ZDHHC8: variants seen among roughly 807,000 people sequenced by gnomAD.
ZDHHC8 encodes the protein palmitoyltransferase ZDHHC8.
Under a neutral mutation model 61.2 loss-of-function variants are expected in ZDHHC8, and 24 were observed. The observed-to-expected ratio is 0.39, with a 90% CI of 0.28 to 0.55. ZDHHC8 has a LOEUF of 0.55. Ranked by LOEUF, ZDHHC8 falls within the 20% of genes least tolerant of loss-of-function variation. The pLI, the probability that ZDHHC8 is intolerant of heterozygous loss-of-function variation, is 0.60. For synonymous variants in ZDHHC8, 523 were observed against 492.5 expected, an observed-to-expected ratio of 1.06 and a Z score of -0.82; for missense variants, 935 against 1,102.1, an observed-to-expected ratio of 0.85 and a Z score of 2.15.
Position 20,145,712 on chromosome 22 carries a change from G to T in ZDHHC8, c.*312G>T, listed in dbSNP as rs1371817101. 8 of 1,032,152 alleles carry T rather than the reference G, an allele frequency of 7.8e-6. No individual in the cohort carries two copies. Among genetic ancestry groups the T allele is most frequent in the Non-Finnish European group, 9.3e-6 (8 of 860,548 alleles). The allele number at this position is 1,032,152 out of a possible 1,614,324, so 63.9% of individuals were successfully genotyped here. On this transcript the variant is annotated 3_prime_UTR_variant, in exon 11 of 11. Coordinates refer to ENST00000334554, the MANE Select transcript of ZDHHC8 (RefSeq NM_013373.4). ...CTTTGGGGCACCCTCTCTCAGCCAG[G>T]CTTGGCCCACTGCCATCACCCAGCA...
rs146417481 is a variant in ZDHHC8, at chr22:20,145,456, A to AC, written c.*63dup. ...CACGGGGACCAGGACCCCACAGCGC[A>AC]CCCCCCCTCCCCACCAACTTCTCTG... On this transcript the variant is annotated 3_prime_UTR_variant, in exon 11 of 11. Coordinates refer to ENST00000334554, the MANE Select transcript of ZDHHC8 (RefSeq NM_013373.4). The AC allele has an allele frequency of 1.7e-5, 23 of 1,331,496 alleles. No homozygotes were observed. Among genetic ancestry groups the AC allele is most frequent in the African/African-American group, 6.3e-5 (4 of 63,820 alleles). 82.5% of individuals were successfully genotyped at this position (1,331,496 alleles called of 1,614,324 possible). A position where few individuals can be genotyped will look rare whatever the true frequency, so the allele number is the denominator to read the frequency against.
At chr22:20,137,499 C>G (rs970433490) in intron 1 of ZDHHC8, among the ~76,000 whole-genome samples, 7 of 152,384 alleles carry the variant, frequency 4.6e-5, no homozygotes, top group African/African-American at 1.7e-4. Flanking sequence ...CGCCGCATCC[C>G]TTCCCAGAGC....
chr22:20,136,233 G>A (rs572030235), intron 1 of ZDHHC8, among the ~76,000 whole-genome samples: 9 of 152,312 alleles, frequency 5.9e-5, no homozygotes, highest in East Asian at 1.9e-4. Flanking sequence ...CTGGCCCTCC[G>A]GCAGGCGAGC....
intron 5 of ZDHHC8, 92 bp downstream of exon 5, chr22:20,140,309 A>C: frequency 7.7e-7 from 1 of 1,303,456 alleles, no homozygotes; most frequent in Non-Finnish European, 1.1e-6. Context: ...CCCTTGCCTG[A>C]GGTAGCTTGT....
At chr22:20,138,590 T>C (rs1568992222) in intron 1 of ZDHHC8, among the ~76,000 whole-genome samples, 1 of 151,990 alleles carries the variant, frequency 6.6e-6, no homozygotes, top group African/African-American at 2.4e-5. Flanking sequence ...TGGGAAGTGG[T>C]GGGGGGTGTT....
Position 20,145,456 on chromosome 22 carries a change from AC to A in ZDHHC8, c.*63del, listed in dbSNP as rs146417481. The A allele has an allele frequency of 0.14, 182,393 of 1,331,108 alleles. 16,073 individuals carry two copies. Among genetic ancestry groups the A allele is most frequent in the East Asian group, 0.47 (15,186 of 32,250 alleles). The allele number at this position is 1,331,108 out of a possible 1,614,324, so 82.5% of individuals were successfully genotyped here. A position where few individuals can be genotyped will look rare whatever the true frequency, so the allele number is the denominator to read the frequency against. The stretch of plus-strand genomic sequence containing the variant: ...CACGGGGACCAGGACCCCACAGCGC[AC>A]CCCCCCTCCCCACCAACTTCTCTGC... On this transcript the variant is annotated 3_prime_UTR_variant, in exon 11 of 11. Transcript: ENST00000334554.
At chr22:20,132,465 TCTC>T (rs1568990024) in intron 1 of ZDHHC8, among the ~76,000 whole-genome samples, 1 of 152,100 alleles carries the variant, frequency 6.6e-6, no homozygotes, top group East Asian at 1.9e-4. Flanking sequence ...GCCTCTCGGG[TCTC>T]CTCCTGGCTG....
rs1313694392 is a variant in ZDHHC8 at position 20,143,565 on chromosome 22, C to A, written c.1935C>A (p.Ser645=). 1 of 1,598,064 alleles carries A rather than the reference C, an allele frequency of 6.3e-7. No homozygotes were observed. Among genetic ancestry groups the A allele is most frequent in the Non-Finnish European group, 8.5e-7 (1 of 1,176,224 alleles). ...GTGCACCGCGGACGTCGTCCTCCTC[C>A]CTGCAGGCTGATCAGGCCAGCAGCA... ...VSRAPRTSSS[S]LQADQASSNA... is the part of the protein sequence containing the mutation. The change falls in exon 10 of 11, where the codon TCC becomes TCA. Residue 645 remains serine, a synonymous_variant. Coordinates refer to ENST00000334554, the MANE Select transcript of ZDHHC8 (RefSeq NM_013373.4).
rs1262913417 is a variant in ZDHHC8 at position 20,139,615 on chromosome 22, G to A, written c.364G>A (p.Val122Ile). 10 of 1,612,986 alleles carry A rather than the reference G, an allele frequency of 6.2e-6. No individual in the cohort carries two copies. The highest frequency in any genetic ancestry group is 2.7e-5 in the African/African-American group (2 of 74,916). ...CCCGCCGCGCTGCTCCCACTGCAGC[G>A]TCTGTGACAACTGTGTAGAGGTGAC... ...YRPPRCSHCSVCDNCVEDFDH... is the reference protein window; with the variant it reads ...YRPPRCSHCSICDNCVEDFDH... Residue 122 changes from valine to isoleucine, a missense_variant, in exon 3 of 11, where the codon GTC becomes ATC. Physicochemically the swap from Val to Ile is conservative, Grantham distance 29. Transcript: ENST00000334554.
At position 20,146,395 on chromosome 22, in the gene ZDHHC8, TTA is replaced by T; in HGVS notation, c.*997_*998del. The T allele has an allele frequency of 3.0e-6, 3 of 985,530 alleles. No individual in the cohort carries two copies. The highest frequency in any genetic ancestry group is 3.6e-6 in the Non-Finnish European group (3 of 829,874). 61.0% of individuals were successfully genotyped at this position (985,530 alleles called of 1,614,324 possible). On this transcript the variant is annotated 3_prime_UTR_variant, in exon 11 of 11. Transcript: ENST00000334554. ...AGCGTCTGCTTGCGTTGTGTCTGTTTTATGTTTTTATATCTACATCTATATAT... is the reference window on the plus strand; with the variant it reads ...AGCGTCTGCTTGCGTTGTGTCTGTTTTGTTTTTATATCTACATCTATATAT...
chr22:20,141,205 G>T lies in ZDHHC8; in HGVS notation c.895-12G>T. 1.2e-6 allele frequency: 2 copies of T among 1,608,286 alleles called. No individual in the cohort carries two copies. Among genetic ancestry groups the T allele is most frequent in the Non-Finnish European group, 8.5e-7 (1 of 1,177,946 alleles). On this transcript the variant is annotated splice_polypyrimidine_tract_variant and intron_variant, in intron 7 of 10. Coordinates refer to ENST00000334554, the MANE Select transcript of ZDHHC8 (RefSeq NM_013373.4). ...CCAAGCCCCACACACCACTGACCCC[G>T]CTCCCTCCCAGTCCAAGGGCAGCCT... is the stretch of plus-strand genomic sequence containing the variant.
At chr22:20,143,825 C>G in intron 10 of ZDHHC8, 69 bp downstream of exon 10, 1 of 1,498,758 alleles carries the variant, frequency 6.7e-7, no homozygotes, top group Non-Finnish European at 8.9e-7. Context: ...CAGGGCCCCT[C>G]TTGGCTGGGC....
chr22:20,141,411 G>C lies in ZDHHC8; in HGVS notation c.1016-10G>C. 6.2e-7 allele frequency: 1 copy of C among 1,612,688 alleles called. No individual in the cohort carries two copies. Among genetic ancestry groups the C allele is most frequent in the Non-Finnish European group, 8.5e-7 (1 of 1,179,644 alleles). ...TCTGACCTCAGTCTGACAGTGGTCT[G>C]CATCCCCAGAGAGTGCCCTGTCGGT... On this transcript the variant is annotated splice_polypyrimidine_tract_variant and intron_variant, in intron 8 of 10. Coordinates refer to ENST00000334554, the MANE Select transcript of ZDHHC8 (RefSeq NM_013373.4).
In ZDHHC8 at chr22:20,145,433, C is replaced by T. The variant is rs752568278; in HGVS notation, c.*33C>T. On this transcript the variant is annotated 3_prime_UTR_variant, in exon 11 of 11. Transcript: ENST00000334554. ...CTGCCACACATCCGCCATGGTGCCA[C>T]GGGGACCAGGACCCCACAGCGCACC... The T allele has an allele frequency of 1.9e-5, 28 of 1,446,202 alleles. No homozygotes were observed. Among genetic ancestry groups the T allele is most frequent in the Admixed American group, 2.7e-5 (1 of 37,718 alleles). 89.6% of individuals were successfully genotyped at this position (1,446,202 alleles called of 1,614,324 possible).
In ZDHHC8 at chr22:20,143,279, C is replaced by A; in HGVS notation, c.1649C>A (p.Ala550Glu). The change falls in exon 10 of 11, where the codon GCA becomes GAA. Residue 550 changes from alanine (A) to glutamate (E), a missense_variant. Coordinates refer to ENST00000334554, the MANE Select transcript of ZDHHC8 (RefSeq NM_013373.4). Reference protein sequence around the residue: ...RYDNLSRTIMASIQERKDREE... With the variant: ...RYDNLSRTIMESIQERKDREE... ...GACAACCTGTCCAGGACCATCATGG[C>A]ATCCATCCAGGAGCGCAAGGACAGG... 1 of 1,606,028 alleles carries A rather than the reference C, an allele frequency of 6.2e-7. No individual in the cohort carries two copies.
At chr22:20,141,589 C>T in intron 9 of ZDHHC8, 59 bp downstream of exon 9, 5 of 1,435,400 alleles carry the variant, frequency 3.5e-6, no homozygotes, top group Non-Finnish European at 4.8e-6. Flanking sequence ...CCTCTAGGAG[C>T]TCGCCCCACA....
Position 20,140,154 on chromosome 22 carries a change from T to C in ZDHHC8, c.597T>C (p.Pro199=), listed in dbSNP as rs1307989047. ...GTGTGGCCGGCCTCTTCTTCATCCC[T>C]GTCATTGGCCTCACTGGCTTCCATG... The part of the protein sequence containing the change: ...VMCVAGLFFI[P]VIGLTGFHVV... The change falls in exon 5 of 11, where the codon CCT becomes CCC. Residue 199 remains proline (P), a synonymous_variant. Transcript: ENST00000334554. The C allele has an allele frequency of 6.2e-7, 1 of 1,613,652 alleles. No homozygotes were observed. Among genetic ancestry groups the C allele is most frequent in the South Asian group, 1.1e-5 (1 of 91,088 alleles).
At chr22:20,137,642 C>G (rs2050432862) in intron 1 of ZDHHC8, among the ~76,000 whole-genome samples, 1 of 152,246 alleles carries the variant, frequency 6.6e-6, no homozygotes, top group African/African-American at 2.4e-5. Flanking sequence ...GCCAGCCTTC[C>G]CCAGAAGGCT....
In ZDHHC8 at chr22:20,139,226, C is replaced by T. The variant is rs1292724624; in HGVS notation, c.137C>T (p.Ala46Val). The change falls in exon 2 of 11, where the codon GCT (alanine) becomes GTT (valine). Residue 46 changes from alanine to valine, a missense_variant. Coordinates refer to ENST00000334554, the MANE Select transcript of ZDHHC8 (RefSeq NM_013373.4). Reference protein sequence around the residue: ...CPWLTRAVSPAVPVYNGIIFL... With the variant: ...CPWLTRAVSPVVPVYNGIIFL... Reference sequence around the variant, plus strand: ...TGGTTGACACGAGCTGTGTCCCCAGCTGTTCCCGTCTACAATGGCATCATC... The same window carrying T: ...TGGTTGACACGAGCTGTGTCCCCAGTTGTTCCCGTCTACAATGGCATCATC... The T allele has an allele frequency of 6.2e-7, 1 of 1,613,842 alleles. No individual in the cohort carries two copies. Among genetic ancestry groups the T allele is most frequent in the Non-Finnish European group, 8.5e-7 (1 of 1,179,994 alleles).
Sources: allele counts gnomAD v4.1 joint callset (sites outside exome capture counted in the v4.1 genomes callset), GRCh38; gene constraint gnomAD v4.1.1; transcripts MANE v1.5; gene names NCBI Gene and HGNC (gene_info 2026-07-23, HGNC 2026-07-21).